DSCAML1: variants seen among roughly 807,000 people sequenced by gnomAD.
DSCAML1 encodes DS cell adhesion molecule like 1.
DSCAML1 carries 38 observed loss-of-function variants against 200.5 expected under a neutral mutation model. The ratio of observed to expected loss-of-function variants is 0.19; its 90% CI spans 0.15 to 0.25. The LOEUF (loss-of-function observed/expected upper bound fraction) is 0.25, where lower values mean the gene tolerates loss of function less well. Among genes scored for constraint, DSCAML1 ranks in the 10% least tolerant of loss-of-function variants. DSCAML1 has a pLI of 1.00. For missense variants in DSCAML1, 2,223 were observed against 2,858.8 expected, an observed-to-expected ratio of 0.78 and a Z score of 5.07; for synonymous variants, 1,215 against 1,165.0, an observed-to-expected ratio of 1.04 and a Z score of -0.87.
At chr11:117,544,449 G>C (rs2050333383) in intron 3 of DSCAML1, among the ~76,000 whole-genome samples, 1 of 152,180 alleles carries the variant, frequency 6.6e-6, no homozygotes, top group African/African-American at 2.4e-5. Context: ...CTGGCTGGCG[G>C]GAATTAGCTC....
intron 17 of DSCAML1, among the ~76,000 whole-genome samples, chr11:117,462,478 G>A (rs752378527): frequency 3.3e-5 from 5 of 152,230 alleles, no homozygotes; most frequent in Non-Finnish European, 7.3e-5. Flanking sequence ...AGCGCAAGAC[G>A]GAGTCTGCTT....
intron 3 of DSCAML1, among the ~76,000 whole-genome samples, chr11:117,747,460 T>C (rs1256083225): frequency 2.0e-5 from 3 of 151,954 alleles, no homozygotes; most frequent in African/African-American, 7.3e-5. Flanking sequence ...CCTTTCCCCA[T>C]CCCTCCTCAA....
chr11:117,785,436 A>AT (rs1258530591), intron 1 of DSCAML1, among the ~76,000 whole-genome samples: 8 of 152,168 alleles, frequency 5.3e-5, no homozygotes, highest in Non-Finnish European at 1.0e-4. Flanking sequence ...TGGGTGAGGC[A>AT]TGCATGTTGG....
At chr11:117,783,444 G>A (rs2055297508) in intron 1 of DSCAML1, among the ~76,000 whole-genome samples, 1 of 152,158 alleles carries the variant, frequency 6.6e-6, no homozygotes, top group South Asian at 2.1e-4. Context: ...AATGATAATA[G>A]TAATAGCAAT....
chr11:117,431,401 G>C lies in DSCAML1; in HGVS notation c.5374+133C>G, dbSNP rs115465609. 2.1e-3 allele frequency: 1,738 copies of C among 823,928 alleles called. 31 individuals carry two copies. In the African/African-American group the frequency reaches 0.027, roughly 13 times the overall value. 51.0% of individuals were successfully genotyped at this position (823,928 alleles called of 1,614,324 possible). ...CAGCTGCACAGTGGGTCAGTGACCA[G>C]CTAGACATGAAACTGACTTGTGCCT... On this transcript the variant is annotated intron_variant, in intron 31 of 32. Coordinates refer to ENST00000651296, the MANE Select transcript of DSCAML1 (RefSeq NM_020693.4).
chr11:117,808,780 A>G (rs2055730888), intron 1 of DSCAML1, among the ~76,000 whole-genome samples: 1 of 152,120 alleles, frequency 6.6e-6, no homozygotes, highest in Non-Finnish European at 1.5e-5. Flanking sequence ...ACACGCAATC[A>G]CCCAGCCCAG....
intron 3 of DSCAML1, among the ~76,000 whole-genome samples, chr11:117,723,214 C>T (rs181594152): frequency 5.9e-5 from 9 of 152,320 alleles, no homozygotes; most frequent in African/African-American, 2.2e-4. Context: ...CCCCTTGTAG[C>T]TTTAGGTCAT....
chr11:117,582,270 G>A (rs1171530349), intron 3 of DSCAML1, among the ~76,000 whole-genome samples: 1 of 152,316 alleles, frequency 6.6e-6, no homozygotes, highest in East Asian at 1.9e-4. Context: ...GGTATGGTTT[G>A]AACCCACAAA....
chr11:117,605,864 A>G (rs1035694962), intron 3 of DSCAML1, among the ~76,000 whole-genome samples: 1 of 151,896 alleles, frequency 6.6e-6, no homozygotes, highest in African/African-American at 2.4e-5. Context: ...GAGTCACTTA[A>G]TCTCCCTGAG....
At position 117,461,576 on chromosome 11, in the gene DSCAML1, T is replaced by C. The variant is rs2048483944; in HGVS notation, c.3286A>G (p.Asn1096Asp). 1 of 1,613,592 alleles carries C rather than the reference T, an allele frequency of 6.2e-7. No homozygotes were observed. The highest frequency in any genetic ancestry group is 1.7e-5 in the Admixed American group (1 of 60,028). The change falls in exon 18 of 33, where the codon AAC becomes GAC. Residue 1096 changes from asparagine to aspartate, a missense_variant. Transcript: ENST00000651296. The part of the protein sequence containing the change: ...LEDVPSQPPE[N>D]VRALSITSDV... ...GAAGTGATGGACAGGGCCCGGACGT[T>C]CTCAGGGGGCTGGCTGGGCACTGCA...
At chr11:117,736,758 C>T (rs1381884897) in intron 3 of DSCAML1, among the ~76,000 whole-genome samples, 1 of 152,202 alleles carries the variant, frequency 6.6e-6, no homozygotes, top group African/African-American at 2.4e-5. Context: ...GGCCCCATCT[C>T]CTCATTTTAT....
chr11:117,604,795 T>C (rs980843960), intron 3 of DSCAML1, among the ~76,000 whole-genome samples: 1 of 152,064 alleles, frequency 6.6e-6, no homozygotes, highest in South Asian at 2.1e-4. Flanking sequence ...AGACTAGCAA[T>C]GGAAAAAGAT....
At chr11:117,650,700 T>TGTGGGCGC in intron 3 of DSCAML1, among the ~76,000 whole-genome samples, 2 of 147,466 alleles carry the variant, frequency 1.4e-5, no homozygotes, top group East Asian at 4.2e-4. Flanking sequence ...TGTGTGTGTG[T>TGTGGGCGC]GCGTGTGTGT....
chr11:117,550,298 CAT>C (rs1435213092), intron 3 of DSCAML1, among the ~76,000 whole-genome samples: 1 of 152,182 alleles, frequency 6.6e-6, no homozygotes, highest in East Asian at 1.9e-4. Context: ...GAACTGGGCT[CAT>C]AGAGATTCAG....
chr11:117,525,232 C>T (rs1278870099), intron 4 of DSCAML1, 149 bp from the exon 5 acceptor site: 1 of 982,336 alleles, frequency 1.0e-6, no homozygotes, highest in Non-Finnish European at 1.4e-6. Context: ...AGGAACATTT[C>T]AGGGAGGGTG....
At chr11:117,530,612 A>T (rs949766228) in intron 4 of DSCAML1, among the ~76,000 whole-genome samples, 1 of 152,180 alleles carries the variant, frequency 6.6e-6, no homozygotes, top group Non-Finnish European at 1.5e-5. Context: ...CGCTGAAGAC[A>T]CAGGGGTGAA....
At chr11:117,758,927 T>C (rs913462528) in intron 3 of DSCAML1, among the ~76,000 whole-genome samples, 7 of 152,172 alleles carry the variant, frequency 4.6e-5, no homozygotes, top group African/African-American at 7.2e-5. Flanking sequence ...GGAGACTTGA[T>C]ATATCGCTTT....
At position 117,755,767 on chromosome 11, in the gene DSCAML1, G is replaced by C. The variant is rs144650096; in HGVS notation, c.511+21024C>G. Among the ~76,000 whole-genome samples, 465 of 152,190 alleles carry C rather than the reference G, an allele frequency of 3.1e-3. 3 individuals carry two copies. The highest frequency in any genetic ancestry group is 0.011 in the African/African-American group (447 of 41,498). ...ACCCACAGGAGATCTCTGAGTGTTGGGGCTGACACCATGGAAACAAAGGAG... is the reference window on the plus strand; with the variant it reads ...ACCCACAGGAGATCTCTGAGTGTTGCGGCTGACACCATGGAAACAAAGGAG... On this transcript the variant is annotated intron_variant, in intron 3 of 32. Transcript: ENST00000651296.
intron 1 of DSCAML1, among the ~76,000 whole-genome samples, chr11:117,782,861 G>C (rs7941202): frequency 0.6 from 90,384 of 151,862 alleles, 27,615 homozygotes; most frequent in Non-Finnish European, 0.67. Context: ...CCAGTGTACA[G>C]ATGAGGATAC....
Sources: gnomAD v4.1 joint callset for allele counts (sites outside exome capture counted in the v4.1 genomes callset) on GRCh38, gnomAD v4.1.1 for gene constraint, MANE v1.5 for transcripts, NCBI Gene and HGNC (gene_info 2026-07-23, HGNC 2026-07-21) for gene names.